Variants in SRGAP2B observed in about 807,000 individuals in gnomAD.
The protein encoded by SRGAP2B is SLIT-ROBO Rho GTPase activating protein 2B.
SRGAP2B carries 9 observed loss-of-function variants against 22.2 expected under a neutral mutation model. The ratio of observed to expected loss-of-function variants is 0.41; its 90% confidence interval spans 0.24 to 0.71. The LOEUF (loss-of-function observed/expected upper bound fraction) is 0.71. Ranked by LOEUF, SRGAP2B falls within the 30% of genes least tolerant of loss-of-function variation. The pLI is 0.35. For missense variants in SRGAP2B, 114 were observed against 235.8 expected (o/e 0.48, Z 3.38); for synonymous variants, 36 against 87.4 (o/e 0.41, Z 3.28).
At chr1:145,058,845 C>T (rs587626394) in intron 2 of SRGAP2B, among the ~76,000 whole-genome samples, 2 of 115,422 alleles carry the variant, frequency 1.7e-5, no homozygotes, top group African/African-American at 6.7e-5. Context: ...AGGCTGGTCT[C>T]GAACTCCTGA....
intron 2 of SRGAP2B, among the ~76,000 whole-genome samples, chr1:145,015,573 A>T (rs1308510792): frequency 6.7e-6 from 1 of 149,252 alleles, no homozygotes; most frequent in Admixed American, 6.7e-5. Context: ...ATGCTGTAGG[A>T]GTATACAGAA....
rs1214599073 is a variant in SRGAP2B, at chr1:144,980,832, G to A, written c.260+14176C>T. 7.6e-4 allele frequency among the ~76,000 whole-genome samples: 115 copies of A among 150,832 alleles called. 2 individuals carry two copies. Among genetic ancestry groups the A allele is most frequent in the Non-Finnish European group, 1.5e-3 (100 of 67,878 alleles). Reference sequence around the variant, plus strand: ...TGCAGTGTAGGAATTAGATATTAAAGTCTTTACTTCAATTAACCAGGGAAC... The same window carrying A: ...TGCAGTGTAGGAATTAGATATTAAAATCTTTACTTCAATTAACCAGGGAAC... On this transcript the variant is annotated intron_variant, in intron 3 of 9. Transcript: ENST00000612199.
rs777228570 is a variant in SRGAP2B, at chr1:144,971,216, C to A, written c.261-15615G>T. Among the ~76,000 whole-genome samples the A allele has an allele frequency of 2.0e-5, 3 of 148,764 alleles. 1 individual carries two copies. Among genetic ancestry groups the A allele is most frequent in the Admixed American group, 6.6e-5 (1 of 15,038 alleles). ...TGCGATCTCGGCTCACCGCAACCTC[C>A]GCCTCCTGGGTTCAAGCGATTCTCC... On this transcript the variant is annotated intron_variant, in intron 3 of 9. Transcript: ENST00000612199.
rs1396552140 is a variant in SRGAP2B at position 144,913,096 on chromosome 1, T to C, written c.486+1596A>G. On this transcript the variant is annotated intron_variant, in intron 5 of 9. Transcript: ENST00000612199. Reference sequence around the variant, plus strand: ...CACAGCTTACGCCCTTTCACTTATTTTTTTTTTTTTTAAAGCACAGCATAT... The same window carrying C: ...CACAGCTTACGCCCTTTCACTTATTCTTTTTTTTTTTAAAGCACAGCATAT... Among the ~76,000 whole-genome samples the C allele has an allele frequency of 1.1e-4, 17 of 148,262 alleles. 1 individual carries two copies. Among genetic ancestry groups the C allele is most frequent in the Admixed American group, 3.3e-4 (5 of 14,978 alleles).
At chr1:145,069,182 G>T (rs1192612566) in intron 2 of SRGAP2B, among the ~76,000 whole-genome samples, 1 of 148,934 alleles carries the variant, frequency 6.7e-6, no homozygotes, top group Non-Finnish European at 1.5e-5. Flanking sequence ...GAGTCTCTGA[G>T]AGGACAAAAA....
At chr1:145,009,602 CA>C in intron 2 of SRGAP2B, among the ~76,000 whole-genome samples, 1 of 140,964 alleles carries the variant, frequency 7.1e-6, no homozygotes, top group East Asian at 2.0e-4. Flanking sequence ...AAAAAAAAAA[CA>C]AAATTGGCCC....
At chr1:145,036,592 A>G (rs1648750298) in intron 2 of SRGAP2B, among the ~76,000 whole-genome samples, 1 of 55,980 alleles carries the variant, frequency 1.8e-5, no homozygotes, top group Non-Finnish European at 3.5e-5. Context: ...TATAAATCGG[A>G]GGTTATATAA....
Position 145,006,268 on chromosome 1 carries a change from C to T in SRGAP2B, c.68-11068G>A, listed in dbSNP as rs1400712700. On this transcript the variant is annotated intron_variant, in intron 2 of 9. Coordinates refer to ENST00000612199, the Ensembl canonical transcript of SRGAP2B. Reference sequence around the variant, plus strand: ...GAAACTGACGAATGAAATATTTTCCCTCCTTGCCCCAGTGGACTGTTCAGA... The same window carrying T: ...GAAACTGACGAATGAAATATTTTCCTTCCTTGCCCCAGTGGACTGTTCAGA... 2.7e-5 allele frequency among the ~76,000 whole-genome samples: 4 copies of T among 150,850 alleles called. 1 individual carries two copies. Among genetic ancestry groups the T allele is most frequent in the Non-Finnish European group, 4.4e-5 (3 of 67,980 alleles).
intron 8 of SRGAP2B, among the ~76,000 whole-genome samples, chr1:144,894,109 T>C (rs1392285669): frequency 1.5e-5 from 2 of 136,854 alleles, no homozygotes; most frequent in South Asian, 2.4e-4. Flanking sequence ...TTACCAGGCC[T>C]TCCCTAGATC....
chr1:145,080,290 T>C (rs1197590244), intron 2 of SRGAP2B, among the ~76,000 whole-genome samples: 1 of 148,170 alleles, frequency 6.7e-6, no homozygotes, highest in Non-Finnish European at 1.5e-5. Flanking sequence ...TAACTCTCTC[T>C]CCCCTCGATT....
intron 3 of SRGAP2B, among the ~76,000 whole-genome samples, chr1:144,983,998 C>T (rs1479736562): frequency 1.3e-5 from 2 of 150,774 alleles, no homozygotes; most frequent in Non-Finnish European, 2.9e-5. Context: ...CCTTCAAAAA[C>T]AATTCTTTCT....
chr1:144,944,276 A>G (rs1322069331), intron 4 of SRGAP2B, among the ~76,000 whole-genome samples: 3 of 150,672 alleles, frequency 2.0e-5, no homozygotes, highest in African/African-American at 7.5e-5. Context: ...ACCCACAGAT[A>G]ATGTCAATGT....
At chr1:144,951,195 A>C (rs1666840337) in intron 4 of SRGAP2B, among the ~76,000 whole-genome samples, 1 of 148,316 alleles carries the variant, frequency 6.7e-6, no homozygotes, top group Non-Finnish European at 1.5e-5. Flanking sequence ...TTTTTTAAAC[A>C]GACAGGGTCT....
chr1:144,891,571 TAAAAAAAA>T (rs1179922119), exon 10 of SRGAP2B: 1 of 41,778 alleles, frequency 2.4e-5, no homozygotes. Flanking sequence ...TAACAATACT[TAAAAAAAA>T]AAAAAAAAAA....
At chr1:144,951,081 C>T (rs1455749111) in intron 4 of SRGAP2B, among the ~76,000 whole-genome samples, 1 of 150,928 alleles carries the variant, frequency 6.6e-6, no homozygotes, top group African/African-American at 2.5e-5. Context: ...CTCCTGACCT[C>T]AGGTGATCTG....
chr1:145,019,876 C>A (rs1672665218), intron 2 of SRGAP2B, among the ~76,000 whole-genome samples: 1 of 150,746 alleles, frequency 6.6e-6, no homozygotes, highest in Non-Finnish European at 1.5e-5. Context: ...TAGTCCTTTT[C>A]CGCCTCATTC....
chr1:145,048,673 CAAT>C (rs1478705756), intron 2 of SRGAP2B, among the ~76,000 whole-genome samples: 72 of 66,804 alleles, frequency 1.1e-3, no homozygotes, highest in African/African-American at 3.6e-3. Flanking sequence ...ATTCTCACAT[CAAT>C]AATGAGAAAA....
At chr1:144,921,162 TAA>T (rs1553604282) in intron 4 of SRGAP2B, among the ~76,000 whole-genome samples, 1 of 139,948 alleles carries the variant, frequency 7.1e-6, no homozygotes, top group Non-Finnish European at 1.5e-5. Context: ...TGGAATATCT[TAA>T]GTTAGTTTTT....
intron 3 of SRGAP2B, among the ~76,000 whole-genome samples, chr1:144,966,008 C>T (rs375511919): frequency 7.3e-5 from 11 of 150,824 alleles, no homozygotes; most frequent in African/African-American, 1.5e-4. Flanking sequence ...ACCAAATCTA[C>T]GTCTGATTGG....
Sources: gnomAD v4.1 joint callset for allele counts (sites outside exome capture counted in the v4.1 genomes callset) on GRCh38, gnomAD v4.1.1 for gene constraint, MANE v1.5 for transcripts, NCBI Gene and HGNC (gene_info 2026-07-23, HGNC 2026-07-21) for gene names.